CDH18: variants seen among roughly 807,000 people sequenced by gnomAD.
CDH18 encodes the protein cadherin-18.
A neutral mutation model predicts 67.9 loss-of-function variants in CDH18; 31 were observed. That is an observed-to-expected ratio of 0.46 (90% CI 0.34 to 0.62). The LOEUF (loss-of-function observed/expected upper bound fraction) is 0.62. Ranked by LOEUF, CDH18 falls within the 20% of genes least tolerant of loss-of-function variation. The pLI is 0.01. For synonymous variants in CDH18, 362 were observed against 347.2 expected, an observed-to-expected ratio of 1.04 and a Z score of -0.48; for missense variants, 890 against 975.5, an observed-to-expected ratio of 0.91 and a Z score of 1.17.
intron 12 of CDH18, among the ~76,000 whole-genome samples, chr5:19,482,412 G>A (rs1739604802): frequency 6.6e-6 from 1 of 151,838 alleles, no homozygotes; most frequent in African/African-American, 2.4e-5. Context: ...CACCGCACCT[G>A]GCCAAAAATT....
At chr5:20,544,666 C>A (rs1422288853) in intron 1 of CDH18, among the ~76,000 whole-genome samples, 1 of 152,044 alleles carries the variant, frequency 6.6e-6, no homozygotes, top group Non-Finnish European at 1.5e-5. Flanking sequence ...TGGGGGAAAC[C>A]ACTCCCATAA....
At chr5:20,281,893 C>A (rs1294029640) in intron 1 of CDH18, among the ~76,000 whole-genome samples, 1 of 152,068 alleles carries the variant, frequency 6.6e-6, no homozygotes, top group East Asian at 1.9e-4. Context: ...TTTCATTGAG[C>A]AGTGGTCTGT....
At chr5:19,796,267 G>T (rs969826174) in intron 3 of CDH18, among the ~76,000 whole-genome samples, 2 of 151,944 alleles carry the variant, frequency 1.3e-5, no homozygotes, top group African/African-American at 4.8e-5. Context: ...TCCACAACAA[G>T]ATTTAACATA....
At chr5:19,660,781 ATG>A (rs1256674759) in intron 5 of CDH18, among the ~76,000 whole-genome samples, 1 of 151,926 alleles carries the variant, frequency 6.6e-6, no homozygotes, top group South Asian at 2.1e-4. Flanking sequence ...GTGTAAGTGT[ATG>A]TGTGTGTGTT....
chr5:19,827,941 C>T (rs1311607396), intron 3 of CDH18, among the ~76,000 whole-genome samples: 1 of 151,964 alleles, frequency 6.6e-6, no homozygotes, highest in Admixed American at 6.6e-5. Context: ...GAAGTTGGTT[C>T]TTTGAAAGAA....
intron 1 of CDH18, among the ~76,000 whole-genome samples, chr5:20,504,668 G>A (rs1364932118): frequency 6.6e-6 from 1 of 151,820 alleles, no homozygotes; most frequent in African/African-American, 2.4e-5. Context: ...TAATTTTAGG[G>A]GAATCAGGAA....
intron 1 of CDH18, chr5:20,304,194 C>A (rs1736205462): frequency 6.6e-7 from 1 of 1,516,782 alleles, no homozygotes; most frequent in Non-Finnish European, 9.2e-7. Flanking sequence ...TTATTTTTCC[C>A]TGTTGGCGTA....
At chr5:19,816,630 TAATGACTAA>T (rs1779314005) in intron 3 of CDH18, among the ~76,000 whole-genome samples, 1 of 151,856 alleles carries the variant, frequency 6.6e-6, no homozygotes, top group African/African-American at 2.4e-5. Flanking sequence ...AGTCAATAGT[TAATGACTAA>T]AAATAGGAAG....
intron 2 of CDH18, among the ~76,000 whole-genome samples, chr5:20,091,683 T>A (rs1745445006): frequency 6.6e-6 from 1 of 152,154 alleles, no homozygotes; most frequent in Admixed American, 6.5e-5. Context: ...TTATTATTCT[T>A]CTTATAAAAA....
At chr5:20,208,845 A>G (rs1275488888) in intron 2 of CDH18, among the ~76,000 whole-genome samples, 5 of 152,140 alleles carry the variant, frequency 3.3e-5, no homozygotes, top group African/African-American at 4.8e-5. Context: ...TAATAACCAG[A>G]ATATATAAAG....
chr5:20,267,210 T>C (rs562450898), intron 1 of CDH18, among the ~76,000 whole-genome samples: 7 of 152,318 alleles, frequency 4.6e-5, no homozygotes, highest in Non-Finnish European at 8.8e-5. Context: ...CAAAGTATGT[T>C]CTTATCATCT....
chr5:20,013,141 T>C (rs1271830042), intron 2 of CDH18, among the ~76,000 whole-genome samples: 1 of 152,106 alleles, frequency 6.6e-6, no homozygotes, highest in African/African-American at 2.4e-5. Context: ...ACCATTCAAC[T>C]CACTATGTCA....
At chr5:20,122,409 TTA>T (rs1454758928) in intron 2 of CDH18, among the ~76,000 whole-genome samples, 3 of 152,194 alleles carry the variant, frequency 2.0e-5, no homozygotes, top group Non-Finnish European at 4.4e-5. Flanking sequence ...CCACAAAATG[TTA>T]TGTTTCATTG....
intron 2 of CDH18, among the ~76,000 whole-genome samples, chr5:19,975,226 A>G (rs1798388377): frequency 6.6e-6 from 1 of 152,134 alleles, no homozygotes; most frequent in African/African-American, 2.4e-5. Flanking sequence ...TTTTCAGCAT[A>G]CCATGTCTCC....
intron 3 of CDH18, among the ~76,000 whole-genome samples, chr5:19,795,891 G>A (rs891702473): frequency 1.3e-5 from 2 of 151,952 alleles, no homozygotes; most frequent in Non-Finnish European, 2.9e-5. Context: ...AAAAATAAAA[G>A]TTATTTTAAA....
At position 19,912,993 on chromosome 5, in the gene CDH18, A is replaced by G. The variant is rs370535381; in HGVS notation, c.-257+68067T>C. 1.1e-4 allele frequency among the ~76,000 whole-genome samples: 17 copies of G among 152,288 alleles called. No individual in the cohort carries two copies. In the East Asian group the frequency reaches 3.3e-3, roughly 29 times the overall value. On this transcript the variant is annotated intron_variant, in intron 2 of 12. Coordinates refer to ENST00000382275, the MANE Select transcript of CDH18 (RefSeq NM_004934.5). ...GAAGGCTTTGAAGCATTTGGTCAGA[A>G]AAGGGGCAGAAAGAATATGGGTATT...
intron 1 of CDH18, among the ~76,000 whole-genome samples, chr5:20,405,385 G>T (rs985396019): frequency 5.3e-5 from 8 of 151,918 alleles, no homozygotes; most frequent in South Asian, 2.1e-4. Context: ...GCTAGCCATA[G>T]GTAGAAAGCT....
intron 8 of CDH18, among the ~76,000 whole-genome samples, chr5:19,557,584 T>A (rs951169389): frequency 4.0e-5 from 6 of 151,628 alleles, no homozygotes; most frequent in African/African-American, 1.5e-4. Flanking sequence ...GAAAAAAAAA[T>A]TCACAATTCT....
intron 3 of CDH18, among the ~76,000 whole-genome samples, chr5:19,751,446 A>G (rs961973147): frequency 1.3e-5 from 2 of 152,238 alleles, no homozygotes; most frequent in Non-Finnish European, 2.9e-5. Flanking sequence ...AAATAAAGGC[A>G]GAAATATAGT....
Sources: gnomAD v4.1 joint callset for allele counts (sites outside exome capture counted in the v4.1 genomes callset) on GRCh38, gnomAD v4.1.1 for gene constraint, MANE v1.5 for transcripts, NCBI Gene and HGNC (gene_info 2026-07-23, HGNC 2026-07-21) for gene names.